The following CCDC92B variants were observed in gnomAD, a reference collection of about 807,000 sequenced individuals.
The protein encoded by CCDC92B is coiled-coil domain containing 92B.
CCDC92B carries 2 observed loss-of-function variants against 5.6 expected under a neutral mutation model. That is an observed-to-expected ratio of 0.36 (90% CI 0.15 to 1.12). CCDC92B has a LOEUF of 1.12. Ranked by LOEUF, CCDC92B falls within the 50% of genes most tolerant of loss-of-function variation. The pLI is 0.40. For synonymous variants in CCDC92B, 115 were observed against 122.3 expected, an observed-to-expected ratio of 0.94 and a Z score of 0.39; for missense variants, 271 against 262.2, an observed-to-expected ratio of 1.03 and a Z score of -0.23.
At chr17:2,734,227 G>A (rs2070832636) in intron 2 of CCDC92B, among the ~76,000 whole-genome samples, 1 of 152,056 alleles carries the variant, frequency 6.6e-6, no homozygotes, top group Non-Finnish European at 1.5e-5. Flanking sequence ...ATGTCCACAT[G>A]TTACGCAGCC....
rs1158966834 is a variant in CCDC92B at position 2,749,641 on chromosome 17, G to T, written c.-254C>A. On this transcript the variant is annotated 5_prime_UTR_variant, in exon 1 of 4. Transcript: ENST00000614400. ...GCTCGAGGCGTAAACACCCAGCAACGTGACCGGAACTGGCGAACGAGCCGG... is the reference window on the plus strand; with the variant it reads ...GCTCGAGGCGTAAACACCCAGCAACTTGACCGGAACTGGCGAACGAGCCGG... 1 of 148,210 alleles carries T rather than the reference G, an allele frequency of 6.7e-6. No homozygotes were observed. Among genetic ancestry groups the T allele is most frequent in the African/African-American group, 2.5e-5 (1 of 40,260 alleles). The allele number at this position is 148,210 out of a possible 1,614,324, so 9.2% of individuals were successfully genotyped here. A position where few individuals can be genotyped will look rare whatever the true frequency, so the allele number is the denominator to read the frequency against.
At chr17:2,727,372 G>A (rs181350038) in intron 3 of CCDC92B, among the ~76,000 whole-genome samples, 22 of 152,302 alleles carry the variant, frequency 1.4e-4, no homozygotes, top group Admixed American at 7.8e-4. Flanking sequence ...AATCTTCCCC[G>A]GTGGTTCTCA....
chr17:2,735,215 G>A (rs186950315), intron 1 of CCDC92B, 47 bp from the exon 2 acceptor site: 15 of 984,338 alleles, frequency 1.5e-5, no homozygotes, highest in South Asian at 4.7e-5. Flanking sequence ...GCCCATCTGC[G>A]CTGCCCCACC....
chr17:2,739,419 G>A (rs1280288336), intron 1 of CCDC92B, among the ~76,000 whole-genome samples: 1 of 148,432 alleles, frequency 6.7e-6, no homozygotes, highest in Non-Finnish European at 1.5e-5. Flanking sequence ...GGTGGCTCAT[G>A]CCTGTAATCC....
At position 2,737,812 on chromosome 17, in the gene CCDC92B, C is replaced by A. The variant is rs1052171195; in HGVS notation, c.-23-2644G>T. On this transcript the variant is annotated intron_variant, in intron 1 of 3. Coordinates refer to ENST00000614400, the MANE Select transcript of CCDC92B (RefSeq NM_001355573.2). ...CCTTTAATTTCAGCAAGGGGTGGCC[C>A]TTTGGCCTGTGGGGATCGCTGGCTA... Among the ~76,000 whole-genome samples, 3 of 151,970 alleles carry A rather than the reference C, an allele frequency of 2.0e-5. No individual in the cohort carries two copies. The East Asian group carries it at 5.8e-4, about 29-fold the overall frequency.
chr17:2,730,399 A>C, intron 3 of CCDC92B, 47 bp downstream of exon 3: 1 of 971,904 alleles, frequency 1.0e-6, no homozygotes, highest in East Asian at 1.1e-4. Flanking sequence ...GAAAAACTCC[A>C]GCTGTTGGGC....
chr17:2,731,168 G>A (rs1244778121), intron 2 of CCDC92B, among the ~76,000 whole-genome samples: 1 of 152,178 alleles, frequency 6.6e-6, no homozygotes, highest in African/African-American at 2.4e-5. Flanking sequence ...AGGGGGTGGA[G>A]CGGGCAGCCT....
chr17:2,726,761 C>T (rs1212995577), intron 3 of CCDC92B, among the ~76,000 whole-genome samples: 1 of 151,626 alleles, frequency 6.6e-6, no homozygotes, highest in Non-Finnish European at 1.5e-5. Flanking sequence ...TTACAGGCAC[C>T]CGCTACCACA....
intron 2 of CCDC92B, among the ~76,000 whole-genome samples, chr17:2,733,183 G>C (rs1405508234): frequency 6.6e-6 from 1 of 151,470 alleles, no homozygotes; most frequent in Non-Finnish European, 1.5e-5. Flanking sequence ...CCTAAAAAGA[G>C]CCACAAGTTC....
chr17:2,735,638 C>T (rs1415794598), intron 1 of CCDC92B, among the ~76,000 whole-genome samples: 1 of 152,114 alleles, frequency 6.6e-6, no homozygotes, highest in Non-Finnish European at 1.5e-5. Context: ...ACCATGTTGG[C>T]CAGGCTGGTC....
intron 1 of CCDC92B, among the ~76,000 whole-genome samples, chr17:2,736,465 G>A (rs1307194016): frequency 2.0e-5 from 3 of 151,452 alleles, no homozygotes; most frequent in African/African-American, 7.3e-5. Flanking sequence ...TAAAGAAATA[G>A]GCCAGCCGTG....
At chr17:2,728,333 C>T (rs1158511808) in intron 3 of CCDC92B, among the ~76,000 whole-genome samples, 11 of 146,276 alleles carry the variant, frequency 7.5e-5, no homozygotes, top group South Asian at 4.3e-4. Flanking sequence ...AAAGGCCAGA[C>T]GCGGTGGCTC....
chr17:2,737,465 CTTTTTTTTTTTTTTTTT>C (rs34254249), intron 1 of CCDC92B, among the ~76,000 whole-genome samples: 1 of 60,316 alleles, frequency 1.7e-5, no homozygotes, highest in South Asian at 9.4e-4. Context: ...ATAGGCCTTT[CTTTTTTTTTTTTTTTTT>C]TTTTTTTTTT....
At chr17:2,725,475 T>A (rs2070717949) in intron 3 of CCDC92B, among the ~76,000 whole-genome samples, 1 of 151,622 alleles carries the variant, frequency 6.6e-6, no homozygotes, top group Non-Finnish European at 1.5e-5. Flanking sequence ...TCCCCACGCG[T>A]CGGCTCAGTG....
intron 2 of CCDC92B, 42 bp downstream of exon 2, chr17:2,734,974 G>C (rs2070841546): frequency 2.2e-6 from 2 of 895,710 alleles, no homozygotes; most frequent in African/African-American, 4.1e-5. Flanking sequence ...GATGATGACA[G>C]TGACCTCTCC....
chr17:2,735,823 C>G (rs1018647751), intron 1 of CCDC92B, among the ~76,000 whole-genome samples: 1 of 152,188 alleles, frequency 6.6e-6, no homozygotes, highest in Admixed American at 6.6e-5. Flanking sequence ...TTCTAGCCTG[C>G]TCCTCCCGCC....
intron 1 of CCDC92B, among the ~76,000 whole-genome samples, chr17:2,742,352 T>A (rs1210144490): frequency 6.6e-6 from 1 of 152,088 alleles, no homozygotes; most frequent in Non-Finnish European, 1.5e-5. Context: ...ACAGAGTGGA[T>A]GTGGGGAGGT....
Position 2,723,501 on chromosome 17 carries a change from TC to T in CCDC92B, c.*909del, listed in dbSNP as rs2070682422. The T allele has an allele frequency of 4.0e-5, 5 of 125,572 alleles. No individual in the cohort carries two copies. Among genetic ancestry groups the T allele is most frequent in the African/African-American group, 1.8e-4 (5 of 28,492 alleles). 7.8% of individuals were successfully genotyped at this position (125,572 alleles called of 1,614,324 possible). On this transcript the variant is annotated 3_prime_UTR_variant, in exon 4 of 4. Coordinates refer to ENST00000614400, the MANE Select transcript of CCDC92B (RefSeq NM_001355573.2). ...CCACCGCGCCCAGCCAAGGCTCTCT[TC>T]TTCTTGTCTCTGGGTGCAGCCAGCT...
At chr17:2,734,895 G>T in intron 2 of CCDC92B, 121 bp downstream of exon 2, 1 of 711,554 alleles carries the variant, frequency 1.4e-6, no homozygotes, top group Non-Finnish European at 1.7e-6. Flanking sequence ...AGAAAAAGAG[G>T]CAGCAGAATC....
Sources: allele counts gnomAD v4.1 joint callset (sites outside exome capture counted in the v4.1 genomes callset), GRCh38; gene constraint gnomAD v4.1.1; transcripts MANE v1.5; gene names NCBI Gene and HGNC (gene_info 2026-07-23, HGNC 2026-07-21).